ERBB4: variants seen among roughly 807,000 people sequenced by gnomAD.
ERBB4 encodes receptor tyrosine-protein kinase erbB-4.
Under a neutral mutation model 158.0 loss-of-function variants are expected in ERBB4, and 42 were observed. That is an observed-to-expected ratio of 0.27 (90% CI 0.21 to 0.34). ERBB4 has a LOEUF of 0.34. ERBB4 is among the 10% of genes least tolerant of loss of function. The probability of loss-of-function intolerance (pLI) is 1.00; values close to 1 mark genes in which losing one functional copy is unlikely to be tolerated. For missense variants in ERBB4, 1,333 were observed against 1,624.1 expected, an observed-to-expected ratio of 0.82 and a Z score of 3.08; for synonymous variants, 583 against 558.7, an observed-to-expected ratio of 1.04 and a Z score of -0.61.
intron 20 of ERBB4, among the ~76,000 whole-genome samples, chr2:211,451,750 C>A (rs1364639789): frequency 1.3e-5 from 2 of 152,108 alleles, no homozygotes; most frequent in African/African-American, 4.8e-5. Flanking sequence ...TTGTTTATTC[C>A]TGTAGGCTAA....
chr2:212,123,558 C>T (rs1366793210), intron 2 of ERBB4, among the ~76,000 whole-genome samples: 1 of 152,152 alleles, frequency 6.6e-6, no homozygotes, highest in Non-Finnish European at 1.5e-5. Context: ...ACATAACTTA[C>T]AGAAACAGAG....
At chr2:212,214,444 T>C (rs2083033929) in intron 1 of ERBB4, among the ~76,000 whole-genome samples, 1 of 151,870 alleles carries the variant, frequency 6.6e-6, no homozygotes. Context: ...TCTTGAATAG[T>C]TTTTATACTT....
chr2:211,681,206 CT>C (rs1330908254), intron 12 of ERBB4, among the ~76,000 whole-genome samples: 1 of 152,020 alleles, frequency 6.6e-6, no homozygotes, highest in Non-Finnish European at 1.5e-5. Flanking sequence ...ACTTTTATTA[CT>C]GAGTATATTC....
chr2:211,715,819 C>T (rs761761385), intron 7 of ERBB4, among the ~76,000 whole-genome samples: 4 of 152,126 alleles, frequency 2.6e-5, no homozygotes, highest in Non-Finnish European at 4.4e-5. Context: ...GCCAACTGTA[C>T]CTCTTTTGTT....
intron 2 of ERBB4, among the ~76,000 whole-genome samples, chr2:212,097,217 A>G (rs2078957709): frequency 6.6e-6 from 1 of 152,174 alleles, no homozygotes; most frequent in Admixed American, 6.5e-5. Flanking sequence ...TAATTTCATC[A>G]TTGTTGTAAC....
At chr2:211,738,661 C>T (rs1251876112) in intron 5 of ERBB4, among the ~76,000 whole-genome samples, 3 of 148,058 alleles carry the variant, frequency 2.0e-5, no homozygotes, top group Admixed American at 6.7e-5. Context: ...CATGAGCCAC[C>T]ACGCCCGGCC....
chr2:212,267,281 C>T (rs557940515), intron 1 of ERBB4, among the ~76,000 whole-genome samples: 8 of 151,800 alleles, frequency 5.3e-5, no homozygotes, highest in African/African-American at 1.7e-4. Flanking sequence ...AAAATAATTC[C>T]CCATGAAAAT....
Position 211,630,546 on chromosome 2 carries a change from G to A in ERBB4, c.1995C>T (p.Val665=), listed in dbSNP as rs1194533640. 4 of 1,613,122 alleles carry A rather than the reference G, an allele frequency of 2.5e-6. No individual in the cohort carries two copies. Among genetic ancestry groups the A allele is most frequent in the Non-Finnish European group, 2.5e-6 (3 of 1,179,746 alleles). ...AGVIGGLFIL[V]IVGLTFAVYV... is the part of the protein sequence containing the mutation. ...AAACAGCAAATGTCAGACCCACAAT[G>A]ACCAGAATGAAGAGCCCACCAATTA... is the stretch of plus-strand genomic sequence containing the variant. The change falls in exon 17 of 28, where the codon GTC becomes GTT. Residue 665 remains valine (V), a synonymous_variant. Coordinates refer to ENST00000342788, the MANE Select transcript of ERBB4 (RefSeq NM_005235.3).
intron 1 of ERBB4, among the ~76,000 whole-genome samples, chr2:212,482,134 C>T (rs1389976025): frequency 6.6e-6 from 1 of 152,228 alleles, no homozygotes; most frequent in African/African-American, 2.4e-5. Context: ...ACACTACAGA[C>T]TTTCAATTCA....
intron 1 of ERBB4, among the ~76,000 whole-genome samples, chr2:212,481,129 T>G (rs974652459): frequency 7.9e-5 from 12 of 152,006 alleles, no homozygotes; most frequent in Non-Finnish European, 1.8e-4. Flanking sequence ...TATATCTCTT[T>G]ATATCACATT....
At chr2:212,488,159 C>A (rs1337160410) in intron 1 of ERBB4, among the ~76,000 whole-genome samples, 2 of 152,030 alleles carry the variant, frequency 1.3e-5, no homozygotes, top group Non-Finnish European at 2.9e-5. Context: ...ATTCTTCTTG[C>A]CCTCTCTGTG....
chr2:212,439,411 T>C (rs1226863018), intron 1 of ERBB4, among the ~76,000 whole-genome samples: 1 of 152,246 alleles, frequency 6.6e-6, no homozygotes, highest in Middle Eastern at 3.4e-3. Flanking sequence ...AATTCAGCTA[T>C]GACAAATGTA....
chr2:212,418,257 A>G (rs1009250318), intron 1 of ERBB4, among the ~76,000 whole-genome samples: 1 of 151,956 alleles, frequency 6.6e-6, no homozygotes, highest in Non-Finnish European at 1.5e-5. Flanking sequence ...AAAAATATCA[A>G]TGGTATATGA....
At chr2:211,819,183 A>G (rs2076940193) in intron 3 of ERBB4, among the ~76,000 whole-genome samples, 1 of 152,042 alleles carries the variant, frequency 6.6e-6, no homozygotes, top group Non-Finnish European at 1.5e-5. Context: ...CATGTATTCA[A>G]TTTTCATTCA....
At chr2:212,443,829 G>C (rs2092300926) in intron 1 of ERBB4, among the ~76,000 whole-genome samples, 1 of 152,174 alleles carries the variant, frequency 6.6e-6, no homozygotes, top group Admixed American at 6.5e-5. Flanking sequence ...CTGCAGATAA[G>C]TATTCTCCTT....
chr2:211,567,771 A>G (rs1323904730), intron 19 of ERBB4, among the ~76,000 whole-genome samples: 1 of 151,244 alleles, frequency 6.6e-6, no homozygotes, highest in East Asian at 1.9e-4. Context: ...CGAACAAGAC[A>G]CTAATTGTAG....
chr2:212,324,471 G>T (rs1241324516), intron 1 of ERBB4, among the ~76,000 whole-genome samples: 3 of 146,860 alleles, frequency 2.0e-5, no homozygotes, highest in Non-Finnish European at 3.0e-5. Flanking sequence ...AGGAGCAGCG[G>T]GTTTTTTGTT....
At position 211,383,109 on chromosome 2, in the gene ERBB4, C is replaced by T. The variant is rs3748960; in HGVS notation, c.*506G>A. On this transcript the variant is annotated 3_prime_UTR_variant, in exon 28 of 28. Transcript: ENST00000342788. Reference sequence around the variant, plus strand: ...AAACTGGATTCTCAATTTCAGACACCATCATATGTTATAGAAAATGTTATT... The same window carrying T: ...AAACTGGATTCTCAATTTCAGACACTATCATATGTTATAGAAAATGTTATT... 0.96 allele frequency: 223,137 copies of T among 233,300 alleles called. 106,742 individuals are homozygous for T. Among genetic ancestry groups the T allele is most frequent in the African/African-American group, 0.99 (44,847 of 45,420 alleles). 14.5% of individuals were successfully genotyped at this position (233,300 alleles called of 1,614,324 possible). A position where few individuals can be genotyped will look rare whatever the true frequency, so the allele number is the denominator to read the frequency against.
chr2:212,223,334 A>G (rs1574466633), intron 1 of ERBB4, among the ~76,000 whole-genome samples: 1 of 39,752 alleles, frequency 2.5e-5, no homozygotes, highest in Non-Finnish European at 5.2e-5. Flanking sequence ...TATTAAGCTT[A>G]TATATATATA....
Sources: allele counts gnomAD v4.1 joint callset (sites outside exome capture counted in the v4.1 genomes callset), GRCh38; gene constraint gnomAD v4.1.1; transcripts MANE v1.5; gene names NCBI Gene and HGNC (gene_info 2026-07-23, HGNC 2026-07-21).